RHEX: variants seen among roughly 807,000 people sequenced by gnomAD.
RHEX encodes the protein regulator of hemoglobinization and erythroid cell expansion protein.
RHEX carries 18 observed loss-of-function variants against 20.1 expected under a neutral mutation model. The ratio of observed to expected loss-of-function variants is 0.90; its 90% CI spans 0.62 to 1.33. RHEX has a LOEUF of 1.33. RHEX is among the 40% of genes most tolerant of loss of function. The pLI is 0.00. For missense variants in RHEX, 192 were observed against 214.3 expected (o/e 0.90, Z 0.65); for synonymous variants, 87 against 77.1 (o/e 1.13, Z -0.67).
In RHEX at chr1:206,068,189, C is replaced by T. The variant is rs201298332; in HGVS notation, c.-97+14924C>T. Among the ~76,000 whole-genome samples, 87 of 152,208 alleles carry T rather than the reference C, an allele frequency of 5.7e-4. No homozygotes were observed. In the South Asian group the frequency reaches 0.012, roughly 22 times the overall value. On this transcript the variant is annotated intron_variant, in intron 1 of 5. Transcript: ENST00000331555. The stretch of plus-strand genomic sequence containing the variant: ...AATCTTAAAAGTGTCATAGTTTGGA[C>T]GACGTATTATGTGGTTACCTGTTAA...
At chr1:206,098,776 T>A (rs1286359632) in intron 3 of RHEX, among the ~76,000 whole-genome samples, 1 of 152,224 alleles carries the variant, frequency 6.6e-6, no homozygotes, top group African/African-American at 2.4e-5. Context: ...ATTCAGCAGA[T>A]ATTTCTTGAG....
intron 1 of RHEX, among the ~76,000 whole-genome samples, chr1:206,057,129 T>A (rs1662209444): frequency 6.6e-6 from 1 of 152,268 alleles, no homozygotes; most frequent in East Asian, 1.9e-4. Context: ...TCAGACTTTC[T>A]ATGATGAACT....
At chr1:206,083,554 G>T in intron 1 of RHEX, 1 of 985,454 alleles carries the variant, frequency 1.0e-6, no homozygotes, top group Non-Finnish European at 1.2e-6. Flanking sequence ...TGACACAGAA[G>T]CTTCTGGGTA....
At chr1:206,098,821 CAG>C (rs1663128908) in intron 3 of RHEX, among the ~76,000 whole-genome samples, 1 of 152,194 alleles carries the variant, frequency 6.6e-6, no homozygotes, top group Non-Finnish European at 1.5e-5. Flanking sequence ...GGCTACACAA[CAG>C]GGAACAAAAC....
At chr1:206,055,217 G>A (rs1054731082) in intron 1 of RHEX, among the ~76,000 whole-genome samples, 16 of 152,380 alleles carry the variant, frequency 1.1e-4, no homozygotes, top group South Asian at 2.1e-4. Context: ...TCCAGCTTCC[G>A]TCTCCCAACA....
intron 1 of RHEX, chr1:206,061,354 A>G (rs2102305877): frequency 6.6e-6 from 1 of 152,194 alleles, no homozygotes; most frequent in East Asian, 1.9e-4. Context: ...GGACTATTTA[A>G]GAAACAACTG....
chr1:206,066,834 A>G (rs901002065), intron 1 of RHEX, among the ~76,000 whole-genome samples: 1 of 152,228 alleles, frequency 6.6e-6, no homozygotes, highest in South Asian at 2.1e-4. Context: ...TATGACCCAT[A>G]TTTGTAGAAA....
intron 1 of RHEX, among the ~76,000 whole-genome samples, chr1:206,082,587 CACTT>C (rs1331723569): frequency 6.6e-6 from 1 of 151,966 alleles, no homozygotes; most frequent in Non-Finnish European, 1.5e-5. Context: ...TTAAGTGCTT[CACTT>C]ACTTACTTAT....
intron 1 of RHEX, among the ~76,000 whole-genome samples, chr1:206,079,580 G>T (rs951171524): frequency 2.6e-5 from 4 of 152,014 alleles, no homozygotes; most frequent in African/African-American, 7.2e-5. Context: ...TTTTTAGATG[G>T]AGTCTCACTG....
intron 1 of RHEX, among the ~76,000 whole-genome samples, chr1:206,084,965 C>T (rs982232587): frequency 1.3e-5 from 2 of 152,074 alleles, no homozygotes; most frequent in Non-Finnish European, 2.9e-5. Context: ...TGAGCTCCCC[C>T]CAACCCCCGG....
At chr1:206,096,268 T>C (rs1384315709) in intron 1 of RHEX, among the ~76,000 whole-genome samples, 3 of 152,248 alleles carry the variant, frequency 2.0e-5, no homozygotes, top group African/African-American at 7.2e-5. Flanking sequence ...AGTGTAGTAT[T>C]GGAAGACAGC....
At chr1:206,077,210 A>G (rs551218760) in intron 1 of RHEX, among the ~76,000 whole-genome samples, 35 of 152,304 alleles carry the variant, frequency 2.3e-4, no homozygotes, top group African/African-American at 7.2e-4. Flanking sequence ...TTCAGTGATG[A>G]TGGTGAGCCG....
chr1:206,075,330 C>A (rs1222022821), intron 1 of RHEX, among the ~76,000 whole-genome samples: 4 of 152,128 alleles, frequency 2.6e-5, no homozygotes, highest in Non-Finnish European at 5.9e-5. Flanking sequence ...AAAATGAAGA[C>A]CTCAATCATG....
Position 206,098,200 on chromosome 1 carries a change from T to A in RHEX, c.112+19T>A, listed in dbSNP as rs782380793. 2.6e-6 allele frequency: 4 copies of A among 1,527,564 alleles called. No homozygotes were observed. In the Admixed American group the frequency reaches 6.7e-5, roughly 26 times the overall value. The allele number at this position is 1,527,564 out of a possible 1,614,324, so 94.6% of individuals were successfully genotyped here. On this transcript the variant is annotated intron_variant, in intron 3 of 5. Coordinates refer to ENST00000331555, the MANE Select transcript of RHEX (RefSeq NM_001007544.4). ...CACATGGGTAACTGGCTCAGCATCC[T>A]CTTCCCTCCTAGTCACTCTCAGAGA...
chr1:206,076,064 T>G (rs1324475441), intron 1 of RHEX, among the ~76,000 whole-genome samples: 1 of 152,212 alleles, frequency 6.6e-6, no homozygotes, highest in Non-Finnish European at 1.5e-5. Flanking sequence ...TAAGTGTACT[T>G]GCTGCGAGAA....
At chr1:206,056,175 TC>T (rs1387998799) in intron 1 of RHEX, among the ~76,000 whole-genome samples, 2 of 152,114 alleles carry the variant, frequency 1.3e-5, no homozygotes, top group Non-Finnish European at 2.9e-5. Flanking sequence ...GGTATTGGAC[TC>T]AGTTTATTCT....
chr1:206,064,207 T>A (rs2102308288), intron 1 of RHEX, among the ~76,000 whole-genome samples: 1 of 146,766 alleles, frequency 6.8e-6, no homozygotes, highest in Middle Eastern at 3.5e-3. Flanking sequence ...AGCCGCCCCG[T>A]CTGGGAAGTG....
chr1:206,099,880 C>A, intron 4 of RHEX, 82 bp downstream of exon 4: 2 of 1,341,822 alleles, frequency 1.5e-6, no homozygotes, highest in Admixed American at 3.6e-5. Context: ...TGCAGCAACC[C>A]CATGGGCCCA....
In RHEX at chr1:206,101,212, T is replaced by G. The variant is rs1663179724; in HGVS notation, c.318+15T>G. 2.5e-6 allele frequency: 4 copies of G among 1,601,160 alleles called. No homozygotes were observed. The highest frequency in any genetic ancestry group is 3.4e-6 in the Non-Finnish European group (4 of 1,172,150). ...CTGCCTGCCAGGTAATGGATGTGCCTAGTGATCTCAGACGAACATATGCAG... is the reference window on the plus strand; with the variant it reads ...CTGCCTGCCAGGTAATGGATGTGCCGAGTGATCTCAGACGAACATATGCAG... On this transcript the variant is annotated intron_variant, in intron 5 of 5. Transcript: ENST00000331555.
Sources: gnomAD v4.1 joint callset for allele counts (sites outside exome capture counted in the v4.1 genomes callset) on GRCh38, gnomAD v4.1.1 for gene constraint, MANE v1.5 for transcripts, NCBI Gene and HGNC (gene_info 2026-07-23, HGNC 2026-07-21) for gene names.